Variants in PTK2B observed in about 807,000 individuals in gnomAD.
PTK2B encodes the protein protein tyrosine kinase 2 beta.
A neutral mutation model predicts 142.9 loss-of-function variants in PTK2B; 71 were observed. The observed-to-expected ratio is 0.50, with a 90% confidence interval of 0.41 to 0.61. The LOEUF (loss-of-function observed/expected upper bound fraction) is 0.61, where lower values mean the gene tolerates loss of function less well. Ranked by LOEUF, PTK2B falls within the 20% of genes least tolerant of loss-of-function variation. The probability of loss-of-function intolerance (pLI) is 0.00; values close to 1 mark genes in which losing one functional copy is unlikely to be tolerated. For synonymous variants in PTK2B, 519 were observed against 503.4 expected (o/e 1.03, Z -0.42); for missense variants, 1,105 against 1,320.4 (o/e 0.84, Z 2.53).
intron 1 of PTK2B, among the ~76,000 whole-genome samples, chr8:27,340,351 G>A (rs2130012277): frequency 6.6e-6 from 1 of 152,334 alleles, no homozygotes; most frequent in Admixed American, 6.5e-5. Flanking sequence ...CCAGGCAAAG[G>A]GTGGTTGGGT....
At chr8:27,432,395 T>C in intron 10 of PTK2B, 34 bp downstream of exon 10, 7 of 1,595,030 alleles carry the variant, frequency 4.4e-6, no homozygotes, top group Non-Finnish European at 5.1e-6. Flanking sequence ...ACCTGGCAGC[T>C]CTGCAGGGGG....
intron 1 of PTK2B, among the ~76,000 whole-genome samples, chr8:27,349,739 G>T (rs935303945): frequency 6.6e-6 from 1 of 152,102 alleles, no homozygotes; most frequent in Non-Finnish European, 1.5e-5. Context: ...TAATTTTCTC[G>T]GACAAACCTG....
At chr8:27,392,180 G>A (rs1171263032) in intron 1 of PTK2B, among the ~76,000 whole-genome samples, 7 of 152,164 alleles carry the variant, frequency 4.6e-5, no homozygotes, top group Non-Finnish European at 1.0e-4. Context: ...TCAAGAAGAA[G>A]AGCTGGAGTC....
chr8:27,333,035 A>G (rs1803853246), intron 1 of PTK2B, among the ~76,000 whole-genome samples: 1 of 152,268 alleles, frequency 6.6e-6, no homozygotes, highest in African/African-American at 2.4e-5. Flanking sequence ...ATGAGATTGC[A>G]GGGCAGAGAT....
At chr8:27,423,504 C>G (rs143283438) in intron 5 of PTK2B, among the ~76,000 whole-genome samples, 1 of 152,266 alleles carries the variant, frequency 6.6e-6, no homozygotes, top group African/African-American at 2.4e-5. Context: ...GACCAGCCCC[C>G]CAGGTGACTT....
chr8:27,431,535 C>T, intron 9 of PTK2B, 63 bp downstream of exon 9: 1 of 1,593,140 alleles, frequency 6.3e-7, no homozygotes, highest in Non-Finnish European at 8.6e-7. Context: ...TCTCTGCTGC[C>T]TCCCGCCCTG....
intron 17 of PTK2B, 69 bp downstream of exon 17, chr8:27,437,565 C>T: frequency 7.4e-7 from 1 of 1,342,976 alleles, no homozygotes; most frequent in East Asian, 2.3e-5. Context: ...CAGCCCATTC[C>T]TCCCAGCTTC....
chr8:27,422,265 G>A (rs1229409521), intron 4 of PTK2B, 39 bp from the exon 5 acceptor site: 15 of 1,588,794 alleles, frequency 9.4e-6, no homozygotes, highest in Non-Finnish European at 1.1e-5. Context: ...AGTGGGAGGT[G>A]AGGGTGCAAG....
At chr8:27,406,949 T>C (rs1015996389) in intron 2 of PTK2B, among the ~76,000 whole-genome samples, 25 of 152,094 alleles carry the variant, frequency 1.6e-4, no homozygotes, top group African/African-American at 5.3e-4. Context: ...AGGGGGACTT[T>C]GGGGGGAAAA....
chr8:27,346,320 G>A (rs151221469), intron 1 of PTK2B, among the ~76,000 whole-genome samples: 59 of 152,268 alleles, frequency 3.9e-4, no homozygotes, highest in African/African-American at 1.4e-3. Flanking sequence ...CAGATCGTTT[G>A]AACCAGGAGT....
Position 27,439,127 on chromosome 8 carries a change from C to G in PTK2B, c.1740C>G (p.Tyr580Ter). 6.2e-7 allele frequency: 1 copy of G among 1,613,044 alleles called. No homozygotes were observed. The highest frequency in any genetic ancestry group is 1.1e-5 in the South Asian group (1 of 91,072). The change falls in exon 19 of 31, where the codon TAC becomes TAG. Residue 580 changes from tyrosine to a stop codon, truncating the protein, a stop_gained. Coordinates refer to ENST00000346049, the MANE Select transcript of PTK2B (RefSeq NM_173176.3). LOFTEE classifies it high-confidence loss of function. ...LSRYIEDEDY[Y>*]KASVTRLPIK... is the part of the protein sequence containing the mutation. ...GGTACATTGAGGACGAGGACTATTA[C>G]AAAGGTGAGGGGGCTTCCCAGCCTC...
intron 14 of PTK2B, among the ~76,000 whole-genome samples, chr8:27,436,006 G>A (rs1469248987): frequency 6.6e-6 from 1 of 152,132 alleles, no homozygotes; most frequent in African/African-American, 2.4e-5. Context: ...TGCCCATGGA[G>A]CTGTGCGGGG....
intron 15 of PTK2B, 143 bp downstream of exon 15, chr8:27,436,491 T>G: frequency 2.9e-6 from 2 of 685,904 alleles, no homozygotes; most frequent in South Asian, 3.5e-5. Context: ...CCACTGGGCA[T>G]GGTGGTATTT....
chr8:27,350,310 T>C (rs975211673), intron 1 of PTK2B, among the ~76,000 whole-genome samples: 3 of 152,224 alleles, frequency 2.0e-5, no homozygotes, highest in African/African-American at 7.2e-5. Flanking sequence ...TGGATGTTAT[T>C]GAAACCTTGA....
At chr8:27,435,213 A>G (rs1373433463) in intron 13 of PTK2B, among the ~76,000 whole-genome samples, 2 of 152,160 alleles carry the variant, frequency 1.3e-5, no homozygotes, top group Non-Finnish European at 2.9e-5. Context: ...GCAGATAGCT[A>G]TCCTTTCACT....
chr8:27,451,112 C>A lies in PTK2B; in HGVS notation c.2523+34C>A, dbSNP rs1234106703. 3 of 1,603,384 alleles carry A rather than the reference C, an allele frequency of 1.9e-6. No individual in the cohort carries two copies. The African/African-American group carries it at 4.0e-5, about 21-fold the overall frequency. On this transcript the variant is annotated intron_variant, in intron 26 of 30. Coordinates refer to ENST00000346049, the MANE Select transcript of PTK2B (RefSeq NM_173176.3). ...CCAGGAGAGGCCGCCTCCTCCATGCCAAGGCCTGGGAAGGCCTCGCCCACC... is the reference window on the plus strand; with the variant it reads ...CCAGGAGAGGCCGCCTCCTCCATGCAAAGGCCTGGGAAGGCCTCGCCCACC...
chr8:27,432,398 G>T, intron 10 of PTK2B, 37 bp downstream of exon 10: 1 of 1,590,522 alleles, frequency 6.3e-7, no homozygotes, highest in Non-Finnish European at 8.6e-7. Context: ...TGGCAGCTCT[G>T]CAGGGGGTAT....
chr8:27,379,961 C>T (rs767416202), intron 1 of PTK2B, among the ~76,000 whole-genome samples: 1 of 152,160 alleles, frequency 6.6e-6, no homozygotes, highest in Non-Finnish European at 1.5e-5. Flanking sequence ...AGGGTGGTTT[C>T]GAACTCCTGA....
intron 18 of PTK2B, chr8:27,438,136 T>G (rs1230158068): frequency 2.4e-6 from 1 of 411,920 alleles, no homozygotes; most frequent in Non-Finnish European, 4.5e-6. Flanking sequence ...TATCAAGACC[T>G]TCTAGCCCCT....
Sources: gnomAD v4.1 joint callset for allele counts (sites outside exome capture counted in the v4.1 genomes callset) on GRCh38, gnomAD v4.1.1 for gene constraint, MANE v1.5 for transcripts, NCBI Gene and HGNC (gene_info 2026-07-23, HGNC 2026-07-21) for gene names.